ACMSD: variants seen among roughly 807,000 people sequenced by gnomAD.
The protein encoded by ACMSD is 2-amino-3-carboxymuconate-6-semialdehyde decarboxylase.
Under a neutral mutation model 45.9 loss-of-function variants are expected in ACMSD, and 37 were observed. That is an observed-to-expected ratio of 0.81 (90% CI 0.62 to 1.06). The LOEUF is 1.06. ACMSD is among the 50% of genes least tolerant of loss of function. The pLI, the probability that ACMSD is intolerant of heterozygous loss-of-function variation, is 0.00. For synonymous variants in ACMSD, 138 were observed against 148.8 expected (o/e 0.93, Z 0.53); for missense variants, 434 against 420.9 (o/e 1.03, Z -0.27).
At chr2:134,861,800 T>C (rs989238489) in intron 3 of ACMSD, among the ~76,000 whole-genome samples, 169 bp from the exon 4 acceptor site, 1 of 151,442 alleles carries the variant, frequency 6.6e-6, no homozygotes, top group Non-Finnish European at 1.5e-5. Flanking sequence ...TTCCCTAGAA[T>C]CTGGGGCTGG....
At chr2:134,892,310 T>C (rs760096834) in intron 8 of ACMSD, among the ~76,000 whole-genome samples, 27 of 151,962 alleles carry the variant, frequency 1.8e-4, no homozygotes, top group Admixed American at 8.5e-4. Flanking sequence ...CATACATGAA[T>C]TGGGAAAACT....
At chr2:134,861,154 T>C (rs1687833452) in intron 3 of ACMSD, among the ~76,000 whole-genome samples, 3 of 152,108 alleles carry the variant, frequency 2.0e-5, no homozygotes, top group Admixed American at 1.3e-4. Flanking sequence ...TAAAAGTATA[T>C]TGGAGTGGGA....
chr2:134,894,707 TA>T (rs1190249198), intron 8 of ACMSD, among the ~76,000 whole-genome samples: 3 of 152,186 alleles, frequency 2.0e-5, no homozygotes, highest in Non-Finnish European at 4.4e-5. Flanking sequence ...TCATCACTTC[TA>T]TTCAACATTG....
rs201644333 is a variant in ACMSD at position 134,863,584 on chromosome 2, G to A, written c.439G>A (p.Val147Ile). ...TCCCGGGGTCCAAATTGGCACCCAC[G>A]TCAACGAGTGGGACCTGAACGCGCA... ...GFPGVQIGTH[V>I]NEWDLNAQEL... Residue 147 changes from valine (V) to isoleucine (I), a missense_variant, in exon 5 of 10, where the codon GTC becomes ATC. Transcript: ENST00000356140. 42 of 1,614,214 alleles carry A rather than the reference G, an allele frequency of 2.6e-5. No individual in the cohort carries two copies. The highest frequency in any genetic ancestry group is 1.7e-4 in the Middle Eastern group (1 of 6,060).
At chr2:134,852,298 C>T (rs1249059901) in intron 2 of ACMSD, among the ~76,000 whole-genome samples, 1 of 152,076 alleles carries the variant, frequency 6.6e-6, no homozygotes, top group African/African-American at 2.4e-5. Context: ...TTACTCTGAC[C>T]ACTTTGTGGA....
At chr2:134,856,337 T>G in intron 2 of ACMSD, among the ~76,000 whole-genome samples, 1 of 152,352 alleles carries the variant, frequency 6.6e-6, no homozygotes, top group African/African-American at 2.4e-5. Context: ...TCCCCTTTTC[T>G]TTAGGAATCA....
chr2:134,847,442 A>C (rs1381185458), intron 2 of ACMSD, among the ~76,000 whole-genome samples: 1 of 146,762 alleles, frequency 6.8e-6, no homozygotes, highest in African/African-American at 2.5e-5. Flanking sequence ...ATAGATAGAT[A>C]GATAGATATA....
intron 5 of ACMSD, 44 bp from the exon 6 acceptor site, chr2:134,867,535 T>C: frequency 6.7e-7 from 1 of 1,487,076 alleles, no homozygotes; most frequent in Non-Finnish European, 9.4e-7. Context: ...ATCTGCTCAC[T>C]CATCAAAGTA....
chr2:134,873,620 C>T (rs929735778), intron 8 of ACMSD: 1 of 152,174 alleles, frequency 6.6e-6, no homozygotes, highest in African/African-American at 2.4e-5. Context: ...CCAGAATGGA[C>T]ACTTTATCTC....
chr2:134,881,865 C>G (rs1249080593), intron 8 of ACMSD, among the ~76,000 whole-genome samples: 1 of 152,116 alleles, frequency 6.6e-6, no homozygotes, highest in Non-Finnish European at 1.5e-5. Context: ...CGCCTGTAAT[C>G]CCAGCACTTT....
chr2:134,864,953 T>C (rs74265411), intron 5 of ACMSD, among the ~76,000 whole-genome samples: 2,884 of 152,312 alleles, frequency 0.019, 107 homozygotes, highest in East Asian at 0.14. Flanking sequence ...CTTTACTCAA[T>C]TGCATTTTTT....
At chr2:134,900,827 T>C (rs1690457886) in intron 9 of ACMSD, among the ~76,000 whole-genome samples, 1 of 152,150 alleles carries the variant, frequency 6.6e-6, no homozygotes, top group Non-Finnish European at 1.5e-5. Context: ...AACTGGTGGG[T>C]TATAGTGTAT....
At chr2:134,863,742 C>G in intron 5 of ACMSD, 111 bp downstream of exon 5, 1 of 1,074,180 alleles carries the variant, frequency 9.3e-7, no homozygotes, top group South Asian at 1.4e-5. Flanking sequence ...GAGGGGAGAG[C>G]GGTGTCCACG....
chr2:134,881,872 C>T (rs919651514), intron 8 of ACMSD, among the ~76,000 whole-genome samples: 1 of 152,134 alleles, frequency 6.6e-6, no homozygotes, highest in African/African-American at 2.4e-5. Context: ...AATCCCAGCA[C>T]TTTGGGAGGC....
Position 134,863,628 on chromosome 2 carries a change from T to C in ACMSD, c.483T>C (p.Tyr161=), listed in dbSNP as rs200737019. ...ACGCGCAGGAGCTCTTTCCTGTCTA[T>C]GCGGTGAGTAGCGGGGCTGCTCAGC... ...DLNAQELFPV[Y]AAAERLKCSL... The change falls in exon 5 of 10, where the codon TAT becomes TAC. Residue 161 remains tyrosine, a synonymous_variant. Coordinates refer to ENST00000356140, the MANE Select transcript of ACMSD (RefSeq NM_138326.3). 10 of 1,614,016 alleles carry C rather than the reference T, an allele frequency of 6.2e-6. No individual in the cohort carries two copies. Among genetic ancestry groups the C allele is most frequent in the Non-Finnish European group, 8.5e-6 (10 of 1,179,994 alleles).
chr2:134,848,865 G>A (rs1360535111), intron 2 of ACMSD, among the ~76,000 whole-genome samples: 1 of 152,146 alleles, frequency 6.6e-6, no homozygotes, highest in African/African-American at 2.4e-5. Context: ...GTACTGCTTA[G>A]GTTTTCAAGA....
At chr2:134,885,358 T>G (rs1444147382) in intron 8 of ACMSD, among the ~76,000 whole-genome samples, 38 of 104,090 alleles carry the variant, frequency 3.7e-4, no homozygotes, top group Middle Eastern at 8.5e-3. Flanking sequence ...TAATATATAT[T>G]TACATATATA....
At chr2:134,871,866 G>A (rs1688463370) in intron 7 of ACMSD, among the ~76,000 whole-genome samples, 1 of 151,854 alleles carries the variant, frequency 6.6e-6, no homozygotes. Flanking sequence ...GACTCAGATA[G>A]CCCCCGACTG....
At chr2:134,850,773 T>C (rs1687302425) in intron 2 of ACMSD, among the ~76,000 whole-genome samples, 1 of 152,230 alleles carries the variant, frequency 6.6e-6, no homozygotes, top group African/African-American at 2.4e-5. Flanking sequence ...CAAAAGTTCT[T>C]CCTTTCTTTA....
Sources: gnomAD v4.1 joint callset for allele counts (sites outside exome capture counted in the v4.1 genomes callset) on GRCh38, gnomAD v4.1.1 for gene constraint, MANE v1.5 for transcripts, NCBI Gene and HGNC (gene_info 2026-07-23, HGNC 2026-07-21) for gene names.